KALRN: variants seen among roughly 807,000 people sequenced by gnomAD.
KALRN encodes the protein kalirin.
KALRN carries 70 observed loss-of-function variants against 353.7 expected under a neutral mutation model. That is an observed-to-expected ratio of 0.20 (90% confidence interval 0.16 to 0.24). The LOEUF (loss-of-function observed/expected upper bound fraction) is 0.24, where lower values mean the gene tolerates loss of function less well. Ranked by LOEUF, KALRN falls within the 10% of genes least tolerant of loss-of-function variation. The pLI is 1.00. For missense variants in KALRN, 2,791 were observed against 3,756.7 expected, an observed-to-expected ratio of 0.74 and a Z score of 6.72; for synonymous variants, 1,391 against 1,434.8, an observed-to-expected ratio of 0.97 and a Z score of 0.69.
intron 37 of KALRN, among the ~76,000 whole-genome samples, chr3:124,637,644 C>T (rs1361783412): frequency 2.6e-5 from 4 of 152,160 alleles, no homozygotes; most frequent in African/African-American, 9.7e-5. Context: ...GCTAGTACAC[C>T]GCGATGCTGA....
intron 17 of KALRN, among the ~76,000 whole-genome samples, chr3:124,437,284 G>A (rs1198056325): frequency 2.6e-5 from 4 of 152,234 alleles, no homozygotes; most frequent in Non-Finnish European, 4.4e-5. Flanking sequence ...TTTGGTGACA[G>A]ATCTTCTCAT....
rs1253150430 is a variant in KALRN at position 124,696,151 on chromosome 3, C to G, written c.7595C>G (p.Thr2532Ser). 1 of 1,613,930 alleles carries G rather than the reference C, an allele frequency of 6.2e-7. No homozygotes were observed. The highest frequency in any genetic ancestry group is 1.7e-5 in the Admixed American group (1 of 60,010). ...TVSSCDSGEI[T>S]LKICNLMPQD... Reference sequence around the variant, plus strand: ...GTCCCTAGTGATTCTGGAGAAATCACCCTGAAGATCTGTAATCTGATGCCC... The same window carrying G: ...GTCCCTAGTGATTCTGGAGAAATCAGCCTGAAGATCTGTAATCTGATGCCC... Residue 2532 changes from threonine to serine, a missense_variant, in exon 54 of 60, where the codon ACC (threonine) becomes AGC (serine). This residue lies in a region of KALRN where 1,065 missense variants were observed against 1,156.4 expected (regional missense o/e 0.92). Transcript: ENST00000682506.
intron 34 of KALRN, among the ~76,000 whole-genome samples, chr3:124,589,434 A>G (rs1429956911): frequency 6.6e-6 from 1 of 152,144 alleles, no homozygotes; most frequent in Non-Finnish European, 1.5e-5. Flanking sequence ...CATCTCTACA[A>G]ATTAAAATAT....
chr3:124,095,447 A>G (rs967517012), intron 1 of KALRN, among the ~76,000 whole-genome samples: 1 of 152,286 alleles, frequency 6.6e-6, no homozygotes. Context: ...TAAAATATAT[A>G]ACATCATATA....
chr3:124,089,756 G>A (rs886401121), intron 1 of KALRN, among the ~76,000 whole-genome samples: 15 of 151,852 alleles, frequency 9.9e-5, no homozygotes, highest in East Asian at 1.9e-4. Flanking sequence ...GAGGATGGAA[G>A]GTGCACCAGC....
At chr3:124,405,274 T>C (rs1051039986) in intron 13 of KALRN, among the ~76,000 whole-genome samples, 3 of 152,206 alleles carry the variant, frequency 2.0e-5, no homozygotes, top group East Asian at 3.8e-4. Flanking sequence ...AAATCCCTGA[T>C]GGAAATGTTC....
In KALRN at chr3:124,655,641, G is replaced by A. The variant is rs749251959; in HGVS notation, c.5836G>A (p.Val1946Ile). 165 of 1,614,108 alleles carry A rather than the reference G, an allele frequency of 1.0e-4. 4 individuals carry two copies. In the South Asian group the frequency reaches 1.7e-3, roughly 17 times the overall value. The change falls in exon 39 of 60, where the codon GTC becomes ATC. Residue 1946 changes from valine (V) to isoleucine (I), a missense_variant. Transcript: ENST00000682506. ...NELVQTEKDY[V>I]KDLGIVVEGF... ...GCTGGTACAGACAGAGAAAGACTAT[G>A]TCAAGGATCTGGGCATTGTGGTGGA...
intron 1 of KALRN, among the ~76,000 whole-genome samples, chr3:124,189,510 G>A (rs191478708): frequency 2.8e-4 from 43 of 152,210 alleles, no homozygotes; most frequent in Admixed American, 1.6e-3. Context: ...TGTGTAAAAA[G>A]CAACATAGAG....
chr3:124,670,619 T>C (rs190153091), intron 47 of KALRN, among the ~76,000 whole-genome samples: 220 of 152,294 alleles, frequency 1.4e-3, no homozygotes, highest in African/African-American at 4.5e-3. Context: ...ACAGTAGAAA[T>C]ATCCTTGTAA....
At chr3:124,360,263 T>C (rs1254253600) in intron 10 of KALRN, among the ~76,000 whole-genome samples, 2 of 152,168 alleles carry the variant, frequency 1.3e-5, no homozygotes, top group Non-Finnish European at 2.9e-5. Flanking sequence ...TTATGGAAAC[T>C]GAGTACCAGG....
In KALRN at chr3:124,546,290, CAAAAA is replaced by C. The variant is rs5852410; in HGVS notation, c.4936-16534_4936-16530del. Among the ~76,000 whole-genome samples, 221 of 114,618 alleles carry C rather than the reference CAAAAA, an allele frequency of 1.9e-3. 1 individual carries two copies. The highest frequency in any genetic ancestry group is 6.1e-3 in the African/African-American group (188 of 30,820). 75.2% of individuals were successfully genotyped at this position (114,618 alleles called of 152,430 possible). On this transcript the variant is annotated intron_variant, in intron 33 of 59. Coordinates refer to ENST00000682506, the MANE Select transcript of KALRN (RefSeq NM_001388419.1). ...GCAACATAGTGAGACCCCCATCTCT[CAAAAA>C]AAAAAAAAAAAAAAAAAATTAGCCA...
At chr3:124,142,414 A>G (rs66541247) in intron 1 of KALRN, among the ~76,000 whole-genome samples, 16,525 of 152,324 alleles carry the variant, frequency 0.11, 1,174 homozygotes, top group Middle Eastern at 0.2. Flanking sequence ...AACATGGAGA[A>G]GGTGCTTAAT....
At chr3:124,702,229 C>A in intron 57 of KALRN, 113 bp downstream of exon 57, 1 of 613,146 alleles carries the variant, frequency 1.6e-6, no homozygotes, top group African/African-American at 1.8e-5. Flanking sequence ...CAATTCTCTC[C>A]ATAGCAAGAA....
chr3:124,581,445 T>C (rs1322597837), intron 34 of KALRN, among the ~76,000 whole-genome samples: 1 of 151,520 alleles, frequency 6.6e-6, no homozygotes, highest in Non-Finnish European at 1.5e-5. Context: ...ATTTTGCCTA[T>C]AGTGGACTAC....
At chr3:124,705,444 AC>A (rs1367563130) in intron 57 of KALRN, among the ~76,000 whole-genome samples, 1 of 152,158 alleles carries the variant, frequency 6.6e-6, no homozygotes, top group East Asian at 1.9e-4. Context: ...GACCTTCAAG[AC>A]CTGAGTGAGT....
intron 51 of KALRN, among the ~76,000 whole-genome samples, chr3:124,681,231 G>A (rs1032621461): frequency 3.3e-5 from 5 of 152,150 alleles, no homozygotes; most frequent in Non-Finnish European, 5.9e-5. Flanking sequence ...TGGGGTCATC[G>A]AATGCCCCAT....
At chr3:124,556,963 T>C (rs2071341674) in intron 33 of KALRN, among the ~76,000 whole-genome samples, 1 of 152,268 alleles carries the variant, frequency 6.6e-6, no homozygotes, top group African/African-American at 2.4e-5. Flanking sequence ...TTTATATAAG[T>C]ATTTAAGCTA....
chr3:124,368,317 C>G (rs528837968), intron 10 of KALRN, among the ~76,000 whole-genome samples: 2,664 of 147,898 alleles, frequency 0.018, 41 homozygotes, highest in Middle Eastern at 0.029. Context: ...GGGTGGCTGC[C>G]GGGCGGAGGG....
intron 1 of KALRN, chr3:124,151,866 G>A: frequency 2.0e-6 from 1 of 500,258 alleles, no homozygotes; most frequent in South Asian, 2.8e-5. Context: ...TGTACGGTGA[G>A]AAAGAGAGGT....
Sources: allele counts gnomAD v4.1 joint callset (sites outside exome capture counted in the v4.1 genomes callset), GRCh38; gene constraint gnomAD v4.1.1; regional missense constraint gnomAD v4.1.1; transcripts MANE v1.5; gene names NCBI Gene and HGNC (gene_info 2026-07-23, HGNC 2026-07-21).